ZFAND3: variants seen among roughly 807,000 people sequenced by gnomAD.
ZFAND3 encodes AN1-type zinc finger protein 3.
A neutral mutation model predicts 29.6 loss-of-function variants in ZFAND3; 10 were observed. The ratio of observed to expected loss-of-function variants is 0.34; its 90% CI spans 0.21 to 0.57. The LOEUF (loss-of-function observed/expected upper bound fraction) is 0.57. Ranked by LOEUF, ZFAND3 falls within the 20% of genes least tolerant of loss-of-function variation. The probability of loss-of-function intolerance (pLI) is 0.86; values close to 1 mark genes in which losing one functional copy is unlikely to be tolerated. For missense variants in ZFAND3, 230 were observed against 304.5 expected (o/e 0.76, Z 1.82); for synonymous variants, 128 against 112.6 (o/e 1.14, Z -0.87).
At chr6:38,010,702 C>A (rs1375645353) in intron 2 of ZFAND3, among the ~76,000 whole-genome samples, 1 of 151,214 alleles carries the variant, frequency 6.6e-6, no homozygotes, top group Non-Finnish European at 1.5e-5. Context: ...CGGGTTCAAG[C>A]AATTCTCTTG....
At chr6:38,098,070 C>G (rs956865256) in intron 4 of ZFAND3, among the ~76,000 whole-genome samples, 1 of 152,154 alleles carries the variant, frequency 6.6e-6, no homozygotes, top group Admixed American at 6.6e-5. Context: ...CCTGGCCCCA[C>G]CCCGCTTTTT....
At chr6:37,934,238 A>G (rs1487001017) in intron 2 of ZFAND3, among the ~76,000 whole-genome samples, 2 of 151,350 alleles carry the variant, frequency 1.3e-5, no homozygotes, top group East Asian at 1.9e-4. Context: ...GCTGGAGTGC[A>G]GTGGTGCCAT....
chr6:38,058,868 T>C (rs766183878), intron 2 of ZFAND3, among the ~76,000 whole-genome samples: 10 of 152,208 alleles, frequency 6.6e-5, no homozygotes, highest in Non-Finnish European at 1.3e-4. Context: ...GTTATACACA[T>C]AAAACATTTA....
chr6:37,954,419 G>A (rs1459263996), intron 2 of ZFAND3, among the ~76,000 whole-genome samples: 1 of 152,006 alleles, frequency 6.6e-6, no homozygotes, highest in Non-Finnish European at 1.5e-5. Context: ...ATAGCTTCAT[G>A]TTCACTAATC....
intron 5 of ZFAND3, among the ~76,000 whole-genome samples, chr6:38,150,632 G>A (rs559666411): frequency 1.3e-5 from 2 of 152,278 alleles, no homozygotes; most frequent in East Asian, 1.9e-4. Context: ...TGGCCACTTC[G>A]TCCTTGCTTG....
chr6:37,871,218 G>A (rs981738793), intron 1 of ZFAND3, among the ~76,000 whole-genome samples: 3 of 152,096 alleles, frequency 2.0e-5, no homozygotes, highest in African/African-American at 7.2e-5. Flanking sequence ...TCTATTCTAA[G>A]TTTACTGACT....
At chr6:37,830,217 A>G (rs1763835350) in intron 1 of ZFAND3, among the ~76,000 whole-genome samples, 2 of 152,232 alleles carry the variant, frequency 1.3e-5, no homozygotes, top group Admixed American at 6.5e-5. Flanking sequence ...GTTGGAAGGG[A>G]AAGGACACAG....
chr6:37,841,864 G>A (rs1049759505), intron 1 of ZFAND3, among the ~76,000 whole-genome samples: 2 of 152,160 alleles, frequency 1.3e-5, no homozygotes, highest in African/African-American at 4.8e-5. Context: ...TTTGACAAAT[G>A]CACATACCTG....
At chr6:38,120,147 CAGTA>C (rs754403921) in intron 5 of ZFAND3, among the ~76,000 whole-genome samples, 6 of 151,932 alleles carry the variant, frequency 3.9e-5, no homozygotes, top group Middle Eastern at 3.2e-3. Flanking sequence ...ATTTTCTACT[CAGTA>C]AGCAAATTGA....
chr6:37,951,340 C>T (rs1184951018), intron 2 of ZFAND3, among the ~76,000 whole-genome samples: 1 of 152,088 alleles, frequency 6.6e-6, no homozygotes, highest in African/African-American at 2.4e-5. Context: ...CGCCTGAAAT[C>T]CCAACACTTT....
At chr6:38,055,457 C>T (rs1336166166) in intron 2 of ZFAND3, among the ~76,000 whole-genome samples, 1 of 152,178 alleles carries the variant, frequency 6.6e-6, no homozygotes, top group African/African-American at 2.4e-5. Flanking sequence ...AGCTGAGTCT[C>T]AAACCCTAGC....
chr6:38,117,161 A>C lies in ZFAND3; in HGVS notation c.529+422A>C, dbSNP rs138033465. On this transcript the variant is annotated intron_variant, in intron 5 of 5. Coordinates refer to ENST00000287218, the MANE Select transcript of ZFAND3 (RefSeq NM_021943.3). ...TCTTACTATTTATGATAAATGGAAG[A>C]TTTTTTTTTCTCCATATCCCTGTTA... Among the ~76,000 whole-genome samples the C allele has an allele frequency of 4.9e-3, 736 of 148,716 alleles. 8 individuals are homozygous for C. Among genetic ancestry groups the C allele is most frequent in the African/African-American group, 0.015 (606 of 40,454 alleles).
chr6:37,983,998 C>T (rs1034681917), intron 2 of ZFAND3, among the ~76,000 whole-genome samples: 3 of 152,212 alleles, frequency 2.0e-5, no homozygotes, highest in African/African-American at 7.2e-5. Flanking sequence ...ATGATTGCAT[C>T]ATCCTTCACT....
rs150440355 is a variant in ZFAND3 at position 38,077,717 on chromosome 6, A to C, written c.296-4675A>C. 2.6e-3 allele frequency among the ~76,000 whole-genome samples: 402 copies of C among 152,360 alleles called. 2 individuals carry two copies. Among genetic ancestry groups the C allele is most frequent in the African/African-American group, 9.3e-3 (386 of 41,578 alleles). ...ACCAGTCGTCACAGCTATTTTAACA[A>C]AACTTTTCAGAGTAGATTGTTGATC... is the stretch of plus-strand genomic sequence containing the variant. On this transcript the variant is annotated intron_variant, in intron 3 of 5. Transcript: ENST00000287218.
At chr6:38,140,895 T>A (rs570629533) in intron 5 of ZFAND3, among the ~76,000 whole-genome samples, 21 of 152,232 alleles carry the variant, frequency 1.4e-4, no homozygotes, top group Non-Finnish European at 2.6e-4. Flanking sequence ...CTATACTGAA[T>A]AAGCCTCTTC....
rs184589761 is a variant in ZFAND3, at chr6:37,979,360, G to A, written c.112+49361G>A. Among the ~76,000 whole-genome samples, 471 of 152,264 alleles carry A rather than the reference G, an allele frequency of 3.1e-3. 3 individuals are homozygous for A. Among genetic ancestry groups the A allele is most frequent in the African/African-American group, 0.011 (448 of 41,534 alleles). ...GTATTTGATTATCTGTGTTTGGGTG[G>A]CAGATACTGTGAGATTTACTTTGTT... On this transcript the variant is annotated intron_variant, in intron 2 of 5. Transcript: ENST00000287218.
chr6:38,021,142 G>A (rs6904932), intron 2 of ZFAND3, among the ~76,000 whole-genome samples: 1 of 152,240 alleles, frequency 6.6e-6, no homozygotes, highest in African/African-American at 2.4e-5. Context: ...GGAGTCTTGG[G>A]TAAGAAGCTC....
chr6:37,820,305 G>T (rs1345985656), intron 1 of ZFAND3, among the ~76,000 whole-genome samples: 1 of 152,180 alleles, frequency 6.6e-6, no homozygotes, highest in Non-Finnish European at 1.5e-5. Flanking sequence ...GCAGGGCGGC[G>T]GGGAGGGATG....
chr6:37,946,947 A>G (rs1761914388), intron 2 of ZFAND3, among the ~76,000 whole-genome samples: 1 of 152,116 alleles, frequency 6.6e-6, no homozygotes, highest in Non-Finnish European at 1.5e-5. Flanking sequence ...AGCTCTGGAG[A>G]TGGATGTTAA....
Sources: gnomAD v4.1 joint callset for allele counts (sites outside exome capture counted in the v4.1 genomes callset) on GRCh38, gnomAD v4.1.1 for gene constraint, MANE v1.5 for transcripts, NCBI Gene and HGNC (gene_info 2026-07-23, HGNC 2026-07-21) for gene names.